The following BNC2 variants were observed in gnomAD, a reference collection of about 807,000 sequenced individuals.
The protein encoded by BNC2 is zinc finger protein basonuclin-2.
Under a neutral mutation model 76.3 loss-of-function variants are expected in BNC2, and 20 were observed. That is an observed-to-expected ratio of 0.26 (90% CI 0.18 to 0.38). The LOEUF (loss-of-function observed/expected upper bound fraction) is 0.38, where lower values mean the gene tolerates loss of function less well. BNC2 is among the 10% of genes least tolerant of loss of function. The pLI is 1.00. For missense variants in BNC2, 1,382 were observed against 1,399.8 expected (o/e 0.99, Z 0.20); for synonymous variants, 582 against 514.8 (o/e 1.13, Z -1.77).
intron 3 of BNC2, among the ~76,000 whole-genome samples, chr9:16,617,728 T>G (rs1820751009): frequency 6.6e-6 from 1 of 152,218 alleles, no homozygotes; most frequent in Non-Finnish European, 1.5e-5. Context: ...TACATAAACA[T>G]GTATGCAGCA....
chr9:16,555,157 C>G (rs1397212107), intron 4 of BNC2, among the ~76,000 whole-genome samples: 1 of 151,780 alleles, frequency 6.6e-6, no homozygotes, highest in African/African-American at 2.4e-5. Context: ...CTAGCTGGGA[C>G]TCAGGCGCCC....
chr9:16,537,828 A>C (rs986081864), intron 5 of BNC2, among the ~76,000 whole-genome samples: 5 of 152,222 alleles, frequency 3.3e-5, no homozygotes, highest in African/African-American at 9.7e-5. Context: ...CCTTCAAAGC[A>C]ATATGCTCAA....
intron 5 of BNC2, among the ~76,000 whole-genome samples, chr9:16,514,135 C>G (rs940973005): frequency 6.6e-6 from 1 of 152,188 alleles, no homozygotes; most frequent in Non-Finnish European, 1.5e-5. Flanking sequence ...CCTGGTCCAA[C>G]CCTTCAGTGA....
rs933066555 is a variant in BNC2 at position 16,479,802 on chromosome 9, T to C, written c.670-42278A>G. ...TCTTTATGCACGTTGGGTAAAATAT[T>C]TGTTAGATTATTTATGTTTATTTTA... is the stretch of plus-strand genomic sequence containing the variant. On this transcript the variant is annotated intron_variant, in intron 5 of 6. Coordinates refer to ENST00000380672, the MANE Select transcript of BNC2 (RefSeq NM_017637.6). Among the ~76,000 whole-genome samples the C allele has an allele frequency of 1.0e-3, 156 of 152,296 alleles. 2 individuals carry two copies. Among genetic ancestry groups the C allele is most frequent in the African/African-American group, 3.6e-3 (150 of 41,564 alleles).
At chr9:16,821,700 C>A (rs997132100) in intron 1 of BNC2, among the ~76,000 whole-genome samples, 3 of 152,088 alleles carry the variant, frequency 2.0e-5, no homozygotes, top group Non-Finnish European at 4.4e-5. Flanking sequence ...GTAATCCCAG[C>A]ACTTTGGGGA....
At chr9:16,795,150 T>G (rs141990061) in intron 1 of BNC2, among the ~76,000 whole-genome samples, 1 of 151,986 alleles carries the variant, frequency 6.6e-6, no homozygotes, top group East Asian at 1.9e-4. Context: ...CTGACTAGAG[T>G]TGAAAACAGG....
intron 3 of BNC2, chr9:16,665,270 T>C: frequency 2.8e-6 from 1 of 351,070 alleles, no homozygotes; most frequent in South Asian, 2.2e-5. Flanking sequence ...CTCCAGAGGC[T>C]GAGGCAGGAG....
intron 5 of BNC2, among the ~76,000 whole-genome samples, chr9:16,496,238 AC>A (rs891216280): frequency 6.6e-6 from 1 of 152,096 alleles, no homozygotes. Context: ...AAACAAAAAA[AC>A]AAAACAAAAC....
At chr9:16,841,632 G>A (rs1248533110) in intron 1 of BNC2, among the ~76,000 whole-genome samples, 3 of 151,976 alleles carry the variant, frequency 2.0e-5, no homozygotes, top group Non-Finnish European at 4.4e-5. Flanking sequence ...TATTCACCAT[G>A]CCTTCTTATA....
chr9:16,598,836 C>T (rs1254702469), intron 3 of BNC2, among the ~76,000 whole-genome samples: 2 of 152,198 alleles, frequency 1.3e-5, no homozygotes, highest in African/African-American at 4.8e-5. Context: ...ATACCTATTC[C>T]TTCTACCTGG....
At chr9:16,490,072 G>A (rs1214935615) in intron 5 of BNC2, among the ~76,000 whole-genome samples, 1 of 152,118 alleles carries the variant, frequency 6.6e-6, no homozygotes, top group Non-Finnish European at 1.5e-5. Flanking sequence ...TACAATTCAA[G>A]TAGGAACCCC....
rs182863120 is a variant in BNC2, at chr9:16,819,860, C to T, written c.3+50786G>A. 8.3e-4 allele frequency among the ~76,000 whole-genome samples: 126 copies of T among 151,888 alleles called. No individual in the cohort carries two copies. In the South Asian group the frequency reaches 8.5e-3, roughly 10 times the overall value. On this transcript the variant is annotated intron_variant, in intron 1 of 6. Coordinates refer to ENST00000380672, the MANE Select transcript of BNC2 (RefSeq NM_017637.6). Reference sequence around the variant, plus strand: ...TGGCAATAGGCCAGGTGTAGTGGCTCATGCCTACAATTCCAGTACTCTGGG... The same window carrying T: ...TGGCAATAGGCCAGGTGTAGTGGCTTATGCCTACAATTCCAGTACTCTGGG...
At chr9:16,658,234 C>A (rs1821988323) in intron 3 of BNC2, among the ~76,000 whole-genome samples, 1 of 151,758 alleles carries the variant, frequency 6.6e-6, no homozygotes, top group African/African-American at 2.4e-5. Flanking sequence ...CAAAAATTTT[C>A]ATATGTGTGC....
At chr9:16,493,593 C>T (rs1328830139) in intron 5 of BNC2, among the ~76,000 whole-genome samples, 1 of 152,092 alleles carries the variant, frequency 6.6e-6, no homozygotes, top group Non-Finnish European at 1.5e-5. Flanking sequence ...TTAAGACATG[C>T]CTATACTGTG....
chr9:16,440,129 C>T (rs528354672), intron 5 of BNC2, among the ~76,000 whole-genome samples: 1 of 152,166 alleles, frequency 6.6e-6, no homozygotes, highest in Non-Finnish European at 1.5e-5. Context: ...TCACCCCTAT[C>T]GTAACTTCCA....
At chr9:16,853,032 T>C (rs1819164265) in intron 1 of BNC2, among the ~76,000 whole-genome samples, 1 of 152,122 alleles carries the variant, frequency 6.6e-6, no homozygotes, top group Non-Finnish European at 1.5e-5. Flanking sequence ...TGGAAGGTTG[T>C]GAGATAAGAA....
At chr9:16,546,678 A>G (rs1438964574) in intron 5 of BNC2, among the ~76,000 whole-genome samples, 5 of 152,168 alleles carry the variant, frequency 3.3e-5, no homozygotes, top group Admixed American at 1.3e-4. Flanking sequence ...ATTTCACCCA[A>G]TTTTACCTAA....
chr9:16,869,233 G>T (rs1280667371), intron 1 of BNC2, among the ~76,000 whole-genome samples: 1 of 130,856 alleles, frequency 7.6e-6, no homozygotes, highest in Non-Finnish European at 1.7e-5. Context: ...AAATAAAACA[G>T]GCCACTTTTT....
At chr9:16,717,141 A>G (rs1554715601) in intron 3 of BNC2, among the ~76,000 whole-genome samples, 1 of 152,150 alleles carries the variant, frequency 6.6e-6, no homozygotes, top group Non-Finnish European at 1.5e-5. Context: ...AGACACCTGG[A>G]ACTCAGTTGT....
Sources: allele counts gnomAD v4.1 joint callset (sites outside exome capture counted in the v4.1 genomes callset), GRCh38; gene constraint gnomAD v4.1.1; transcripts MANE v1.5; gene names NCBI Gene and HGNC (gene_info 2026-07-23, HGNC 2026-07-21).